ZMYND8: variants seen among roughly 807,000 people sequenced by gnomAD.
The protein encoded by ZMYND8 is MYND-type zinc finger-containing chromatin reader ZMYND8.
A neutral mutation model predicts 140.8 loss-of-function variants in ZMYND8; 37 were observed. The observed-to-expected ratio is 0.26, with a 90% CI of 0.20 to 0.35. The LOEUF (loss-of-function observed/expected upper bound fraction) is 0.35, where lower values mean the gene tolerates loss of function less well. ZMYND8 is among the 10% of genes least tolerant of loss of function. ZMYND8 has a pLI of 1.00. For missense variants in ZMYND8, 1,068 were observed against 1,570.0 expected (o/e 0.68, Z 5.40); for synonymous variants, 592 against 597.1 (o/e 0.99, Z 0.12).
chr20:47,255,726 A>ATATATATACAAATATATATATATACCG (rs2074599747), intron 12 of ZMYND8, among the ~76,000 whole-genome samples: 1 of 11,706 alleles, frequency 8.5e-5, no homozygotes, highest in Non-Finnish European at 1.7e-4. Flanking sequence ...ATGTGTGTAT[A>ATATATATACAAATATATATATATACCG]TATATATATA....
intron 14 of ZMYND8, among the ~76,000 whole-genome samples, chr20:47,242,110 C>T (rs1294290924): frequency 1.3e-5 from 2 of 152,218 alleles, no homozygotes; most frequent in African/African-American, 2.4e-5. Flanking sequence ...AGCCGCTGCG[C>T]CCGGCCTATG....
At position 47,246,469 on chromosome 20, in the gene ZMYND8, T is replaced by C. The variant is rs549759700; in HGVS notation, c.1823A>G (p.Asp608Gly). Residue 608 changes from aspartate to glycine, a missense_variant, in exon 14 of 23, where the codon GAT becomes GGT. By Grantham distance (94) the Asp-to-Gly change is moderately conservative. Around this residue, in one of 10 missense-constraint regions of ZMYND8, gnomAD observed 383 missense variants for 431.2 expected, o/e 0.89. Transcript: ENST00000471951. ...EDVYTAVEHS[D>G]SEDSEKSDSS... The stretch of plus-strand genomic sequence containing the variant: ...ATCTGACTTCTCAGAATCCTCCGAA[T>C]CGCTGTGCTCTACGGCCGTATAGAC... 1 of 1,613,512 alleles carries C rather than the reference T, an allele frequency of 6.2e-7. No individual in the cohort carries two copies. The highest frequency in any genetic ancestry group is 1.3e-5 in the African/African-American group (1 of 75,024).
intron 12 of ZMYND8, among the ~76,000 whole-genome samples, chr20:47,251,797 C>T (rs1051353289): frequency 4.3e-5 from 6 of 139,566 alleles, no homozygotes; most frequent in African/African-American, 1.3e-4. Context: ...GCCCGGCCGC[C>T]GCACCGTCTG....
In ZMYND8 at chr20:47,209,359, ATTTAAG is replaced by A. The variant is rs759560651; in HGVS notation, c.*1396_*1401del. 3.3e-5 allele frequency: 5 copies of A among 152,350 alleles called. No homozygotes were observed. The highest frequency in any genetic ancestry group is 7.2e-5 in the African/African-American group (3 of 41,584). The allele number at this position is 152,350 out of a possible 1,614,324, so 9.4% of individuals were successfully genotyped here. On this transcript the variant is annotated 3_prime_UTR_variant, in exon 23 of 23. Transcript: ENST00000471951. The stretch of plus-strand genomic sequence containing the variant: ...AAAGAAACACCACCATCAAAAAGAT[ATTTAAG>A]TTTAATACAAATTTTATACAAAGAA...
intron 1 of ZMYND8, chr20:47,353,652 AGT>A (rs1294187691): frequency 6.6e-6 from 1 of 152,262 alleles, no homozygotes; most frequent in African/African-American, 2.4e-5. Context: ...CAAAAGCTTC[AGT>A]GTGTCTGTGT....
chr20:47,331,460 A>T (rs903214435), intron 2 of ZMYND8, among the ~76,000 whole-genome samples: 37 of 152,228 alleles, frequency 2.4e-4, no homozygotes, highest in Non-Finnish European at 4.9e-4. Context: ...TGAGACGCCC[A>T]TGAACAGGCA....
At chr20:47,309,329 T>TA (rs2078738611) in intron 3 of ZMYND8, among the ~76,000 whole-genome samples, 1 of 151,546 alleles carries the variant, frequency 6.6e-6, no homozygotes, top group Non-Finnish European at 1.5e-5. Flanking sequence ...TTTTCTGAGA[T>TA]AGAGTCTCGC....
intron 21 of ZMYND8, among the ~76,000 whole-genome samples, chr20:47,217,873 C>T (rs918352814): frequency 6.7e-6 from 1 of 148,700 alleles, no homozygotes; most frequent in African/African-American, 2.5e-5. Flanking sequence ...CCCCTGCTCG[C>T]CCCCCTCTTC....
In ZMYND8 at chr20:47,338,971, C is replaced by CT. The variant is rs141938915; in HGVS notation, c.85+8884dup. Among the ~76,000 whole-genome samples, 898 of 137,968 alleles carry CT rather than the reference C, an allele frequency of 6.5e-3. 4 individuals are homozygous for CT. The highest frequency in any genetic ancestry group is 0.017 in the African/African-American group (623 of 37,444). 90.5% of individuals were successfully genotyped at this position (137,968 alleles called of 152,430 possible). ...GCTGGGCAACCCTACACAATTATTT[C>CT]TTTTTTTTTTTTTTTTTGTGAGACA... On this transcript the variant is annotated intron_variant, in intron 2 of 22. Coordinates refer to ENST00000471951, the MANE Select transcript of ZMYND8 (RefSeq NM_001281775.3).
At chr20:47,224,909 CT>C (rs2037472045) in intron 18 of ZMYND8, among the ~76,000 whole-genome samples, 1 of 150,244 alleles carries the variant, frequency 6.7e-6, no homozygotes, top group African/African-American at 2.5e-5. Context: ...TAACATAAGC[CT>C]TTTCCCCCCT....
intron 19 of ZMYND8, among the ~76,000 whole-genome samples, chr20:47,223,133 A>G (rs1219776434): frequency 6.6e-6 from 1 of 152,242 alleles, no homozygotes; most frequent in Non-Finnish European, 1.5e-5. Flanking sequence ...GGGACACTTG[A>G]AATTCTTTAA....
intron 2 of ZMYND8, among the ~76,000 whole-genome samples, chr20:47,338,262 A>G (rs1021599731): frequency 2.0e-5 from 3 of 152,030 alleles, no homozygotes; most frequent in Admixed American, 6.6e-5. Context: ...TCTACTCCCG[A>G]GAGTGGCCTG....
In ZMYND8 at chr20:47,239,054, G is replaced by A; in HGVS notation, c.2369C>T (p.Thr790Ile). 6.4e-7 allele frequency: 1 copy of A among 1,574,590 alleles called. No homozygotes were observed. Among genetic ancestry groups the A allele is most frequent in the African/African-American group, 1.3e-5 (1 of 74,150 alleles). ...GGTGGCTGTGGCGCCAGCCGCGGAA[G>A]TTTGGGCGGAAGAGCGGGTGAGCAC... ...TPVLTRSSAQ[T>I]SAAGATATTS... The change falls in exon 15 of 23, where the codon ACT becomes ATT. Residue 790 changes from threonine (T) to isoleucine (I), a missense_variant. Around this residue, in one of 10 missense-constraint regions of ZMYND8, gnomAD observed 383 missense variants for 431.2 expected, o/e 0.89. Coordinates refer to ENST00000471951, the MANE Select transcript of ZMYND8 (RefSeq NM_001281775.3).
At position 47,335,643 on chromosome 20, in the gene ZMYND8, G is replaced by A. The variant is rs189429121; in HGVS notation, c.85+12213C>T. Among the ~76,000 whole-genome samples, 70 of 152,256 alleles carry A rather than the reference G, an allele frequency of 4.6e-4. 2 individuals carry two copies. Among genetic ancestry groups the A allele is most frequent in the South Asian group, 4.4e-3 (21 of 4,814 alleles). On this transcript the variant is annotated intron_variant, in intron 2 of 22. Transcript: ENST00000471951. ...TTTTTAAACTAAGCTTGAAACGGTCGATTTTAGATCACAGTCTTCTAGAAT... is the reference window on the plus strand; with the variant it reads ...TTTTTAAACTAAGCTTGAAACGGTCAATTTTAGATCACAGTCTTCTAGAAT...
At position 47,210,720 on chromosome 20, in the gene ZMYND8, T is replaced by C. The variant is rs1253106112; in HGVS notation, c.*41A>G. 1 of 1,614,028 alleles carries C rather than the reference T, an allele frequency of 6.2e-7. No individual in the cohort carries two copies. Among genetic ancestry groups the C allele is most frequent in the Non-Finnish European group, 8.5e-7 (1 of 1,179,972 alleles). ...TTCTTCTTTTCCTGGCGTCTGGGTTTTTCTCCCAATGGGGTGGGTGGTTTG... is the reference window on the plus strand; with the variant it reads ...TTCTTCTTTTCCTGGCGTCTGGGTTCTTCTCCCAATGGGGTGGGTGGTTTG... On this transcript the variant is annotated 3_prime_UTR_variant, in exon 23 of 23. Coordinates refer to ENST00000471951, the MANE Select transcript of ZMYND8 (RefSeq NM_001281775.3).
intron 1 of ZMYND8, 77 bp from the exon 2 acceptor site, chr20:47,348,003 A>G: frequency 2.2e-6 from 3 of 1,376,520 alleles, no homozygotes; most frequent in South Asian, 2.3e-5. Flanking sequence ...TGGAAGTTCT[A>G]GCAACAAACA....
intron 2 of ZMYND8, among the ~76,000 whole-genome samples, chr20:47,312,333 A>G (rs1275075265): frequency 2.0e-5 from 3 of 152,266 alleles, no homozygotes; most frequent in East Asian, 1.9e-4. Context: ...CCAAAACCCA[A>G]TCTACAGGAT....
chr20:47,331,357 A>C (rs2080925826), intron 2 of ZMYND8, among the ~76,000 whole-genome samples: 1 of 151,934 alleles, frequency 6.6e-6, no homozygotes, highest in African/African-American at 2.4e-5. Flanking sequence ...TATTGTAAGA[A>C]AATGACACAA....
intron 2 of ZMYND8, among the ~76,000 whole-genome samples, chr20:47,322,726 C>G (rs1318137682): frequency 6.6e-6 from 1 of 152,042 alleles, no homozygotes; most frequent in Non-Finnish European, 1.5e-5. Context: ...TATTTCTGTA[C>G]CCATTTTATA....
Sources: gnomAD v4.1 joint callset for allele counts (sites outside exome capture counted in the v4.1 genomes callset) on GRCh38, gnomAD v4.1.1 for gene constraint, gnomAD v4.1.1 regional missense constraint, MANE v1.5 for transcripts, NCBI Gene and HGNC (gene_info 2026-07-23, HGNC 2026-07-21) for gene names.